Variants in FRMD7 observed in about 807,000 individuals in gnomAD.
FRMD7 encodes FERM domain-containing protein 7.
A neutral mutation model predicts 44.1 loss-of-function variants in FRMD7; 14 were observed. The ratio of observed to expected loss-of-function variants is 0.32; its 90% CI spans 0.21 to 0.50. FRMD7 has a LOEUF of 0.50. Ranked by LOEUF, FRMD7 falls within the 20% of genes least tolerant of loss-of-function variation. The pLI is 0.99. For synonymous variants in FRMD7, 212 were observed against 187.4 expected, an observed-to-expected ratio of 1.13 and a Z score of -1.07; for missense variants, 501 against 522.3, an observed-to-expected ratio of 0.96 and a Z score of 0.40.
At chrX:132,084,402 T>A (rs1927917256) in intron 8 of FRMD7, 88 bp downstream of exon 8, 1 of 594,618 alleles carries the variant, frequency 1.7e-6, no homozygotes, top group African/African-American at 2.2e-5. Flanking sequence ...AGCCGGCTTT[T>A]ACAATTTACA....
intron 9 of FRMD7, among the ~76,000 whole-genome samples, chrX:132,080,927 T>G (rs1927786756): frequency 8.9e-6 from 1 of 111,891 alleles, no homozygotes; most frequent in East Asian, 2.8e-4. Flanking sequence ...GGTTTCCCAG[T>G]CCACAGCAGA....
chrX:132,086,135 T>C (rs1332523921), intron 5 of FRMD7, 101 bp from the exon 6 acceptor site: 9 of 561,482 alleles, frequency 1.6e-5, no homozygotes, highest in Non-Finnish European at 2.6e-5. Flanking sequence ...CCCTTCTTTG[T>C]AGCCAATGCA....
At chrX:132,084,057 A>T (rs1319079875) in intron 8 of FRMD7, among the ~76,000 whole-genome samples, 4 of 111,545 alleles carry the variant, frequency 3.6e-5, no homozygotes, top group African/African-American at 1.3e-4. Flanking sequence ...TGTATACCTG[A>T]CTCCCACATC....
At chrX:132,114,263 A>T (rs961170247) in intron 1 of FRMD7, among the ~76,000 whole-genome samples, 2 of 111,741 alleles carry the variant, frequency 1.8e-5, no homozygotes, top group African/African-American at 3.3e-5. Flanking sequence ...CTTATAAAAC[A>T]TCTACTTACT....
chrX:132,102,956 A>G (rs17000937), intron 1 of FRMD7, among the ~76,000 whole-genome samples: 8,146 of 111,953 alleles, frequency 0.073, 263 homozygotes, highest in African/African-American at 0.12. Flanking sequence ...GTAAGATCCC[A>G]TACTATGTTT....
At position 132,078,467 on chromosome X, in the gene FRMD7, G is replaced by T. The variant is rs1209597261; in HGVS notation, c.1550C>A (p.Thr517Lys). Residue 517 changes from threonine to lysine, a missense_variant, in exon 12 of 12, where the codon ACA becomes AAA. This residue lies in a region of FRMD7 where 453 missense variants were observed against 452.7 expected (regional missense o/e 1.00). Transcript: ENST00000298542. ...GGGCTCTACATAGCTATGTGGACTTGTCCTTTCCTCTGCTCTAATTGGGGA... is the reference window on the plus strand; with the variant it reads ...GGGCTCTACATAGCTATGTGGACTTTTCCTTTCCTCTGCTCTAATTGGGGA... ...RWSPIRAEER[T>K]SPHSYVEPTA... 4 of 1,209,016 alleles carry T rather than the reference G, an allele frequency of 3.3e-6. No individual in the cohort carries two copies. Among genetic ancestry groups the T allele is most frequent in the Non-Finnish European group, 4.5e-6 (4 of 894,776 alleles).
Position 132,077,729 on chromosome X carries a change from T to C in FRMD7, c.*143A>G. 1.1e-6 allele frequency: 1 copy of C among 877,190 alleles called. No homozygotes were observed. The allele number at this position is 877,190 out of a possible 1,213,427, so 72.3% of individuals were successfully genotyped here. ...AAGGAATGAGGCAACAGCTGGATCT[T>C]TCATAAGGCAGGCATCCAAAATGAG... On this transcript the variant is annotated 3_prime_UTR_variant, in exon 12 of 12. Coordinates refer to ENST00000298542, the MANE Select transcript of FRMD7 (RefSeq NM_194277.3).
intron 1 of FRMD7, among the ~76,000 whole-genome samples, chrX:132,113,535 C>T (rs1236857261): frequency 9.0e-6 from 1 of 111,580 alleles, no homozygotes; most frequent in African/African-American, 3.3e-5. Context: ...AAAGAGAAAA[C>T]TATTATCTAG....
chrX:132,095,874 G>A (rs995681257), intron 4 of FRMD7, among the ~76,000 whole-genome samples: 3 of 112,356 alleles, frequency 2.7e-5, no homozygotes, highest in Admixed American at 9.4e-5. Context: ...GGTGAATTTC[G>A]TTTTGCTCCT....
At chrX:132,113,870 G>C (rs1928836877) in intron 1 of FRMD7, among the ~76,000 whole-genome samples, 1 of 110,469 alleles carries the variant, frequency 9.1e-6, no homozygotes, top group African/African-American at 3.3e-5. Context: ...TCAAATAGCA[G>C]GTTTTATTCA....
At chrX:132,098,325 G>A (rs1928402533) in intron 3 of FRMD7, among the ~76,000 whole-genome samples, 1 of 112,471 alleles carries the variant, frequency 8.9e-6, no homozygotes, top group African/African-American at 3.2e-5. Context: ...GTAGGAATAC[G>A]AGGTAGCTAG....
chrX:132,095,473 T>G (rs950190909), intron 4 of FRMD7, among the ~76,000 whole-genome samples: 7 of 111,914 alleles, frequency 6.3e-5, no homozygotes, highest in African/African-American at 9.8e-5. Flanking sequence ...TAAATAAAGG[T>G]CTATGTGTAC....
Position 132,078,258 on chromosome X carries a change from G to A in FRMD7, c.1759C>T (p.Pro587Ser), listed in dbSNP as rs1003052816. The A allele has an allele frequency of 1.7e-6, 2 of 1,211,135 alleles. No homozygotes were observed. The highest frequency in any genetic ancestry group is 4.3e-5 in the Admixed American group (2 of 46,016). The change falls in exon 12 of 12, where the codon CCT (proline) becomes TCT (serine). Residue 587 changes from proline to serine, a missense_variant. Physicochemically the swap from Pro to Ser is moderately conservative, Grantham distance 74. Around this residue, in one of 3 missense-constraint regions of FRMD7, gnomAD observed 453 missense variants for 452.7 expected, o/e 1.00. Coordinates refer to ENST00000298542, the MANE Select transcript of FRMD7 (RefSeq NM_194277.3). ...AFVCNIQEQT[P>S]KRSQSQSDMK... The stretch of plus-strand genomic sequence containing the variant: ...TCTGATTGGCTCTGGGACCTTTTAG[G>A]GGTTTGCTCTTGAATGTTACATACA...
chrX:132,120,329 T>C (rs190484466), intron 1 of FRMD7, among the ~76,000 whole-genome samples: 34 of 112,639 alleles, frequency 3.0e-4, no homozygotes, highest in African/African-American at 1.1e-3. Flanking sequence ...GGAGGGAAGA[T>C]CTGCAGATCG....
chrX:132,084,466 C>T (rs1158726833), intron 8 of FRMD7, 24 bp downstream of exon 8: 10 of 960,824 alleles, frequency 1.0e-5, no homozygotes, highest in South Asian at 5.8e-5. Flanking sequence ...AGAAAGTAAA[C>T]GAATTTATTA....
chrX:132,117,574 C>T (rs1171275615), intron 1 of FRMD7, among the ~76,000 whole-genome samples: 1 of 110,582 alleles, frequency 9.0e-6, no homozygotes, highest in Non-Finnish European at 1.9e-5. Flanking sequence ...GCAATATATG[C>T]TTATTTAAAA....
chrX:132,081,251 G>C (rs1240882772), intron 9 of FRMD7, among the ~76,000 whole-genome samples: 1 of 111,330 alleles, frequency 9.0e-6, no homozygotes, highest in Non-Finnish European at 1.9e-5. Flanking sequence ...AGAATTGCTT[G>C]AACATGGGAG....
chrX:132,104,488 C>T (rs1203014764), intron 1 of FRMD7, among the ~76,000 whole-genome samples: 1 of 110,980 alleles, frequency 9.0e-6, no homozygotes, highest in Non-Finnish European at 1.9e-5. Flanking sequence ...GTCAGGAGAT[C>T]GAGACCATCC....
At chrX:132,110,037 T>C (rs1308838013) in intron 1 of FRMD7, among the ~76,000 whole-genome samples, 1 of 110,358 alleles carries the variant, frequency 9.1e-6, no homozygotes, top group Non-Finnish European at 1.9e-5. Context: ...AAGGTCAGAG[T>C]TGTGTCTTAG....
Sources: allele counts gnomAD v4.1 joint callset (sites outside exome capture counted in the v4.1 genomes callset), GRCh38; gene constraint gnomAD v4.1.1; regional missense constraint gnomAD v4.1.1; transcripts MANE v1.5; gene names NCBI Gene and HGNC (gene_info 2026-07-23, HGNC 2026-07-21).